ZNF98: variants seen among roughly 807,000 people sequenced by gnomAD.
ZNF98 encodes zinc finger protein 739.
Under a neutral mutation model 12.8 loss-of-function variants are expected in ZNF98, and 8 were observed. The observed-to-expected ratio is 0.63, with a 90% CI of 0.37 to 1.13. The LOEUF (loss-of-function observed/expected upper bound fraction) is 1.13. Among genes scored for constraint, ZNF98 ranks in the 50% most tolerant of loss-of-function variants. ZNF98 has a pLI of 0.01. For missense variants in ZNF98, 379 were observed against 666.1 expected (o/e 0.57, Z 4.74); for synonymous variants, 112 against 223.5 (o/e 0.50, Z 4.45).
intron 1 of ZNF98, among the ~76,000 whole-genome samples, chr19:22,411,942 G>A (rs1969585232): frequency 6.8e-6 from 1 of 147,110 alleles, no homozygotes; most frequent in Non-Finnish European, 1.5e-5. Flanking sequence ...GTTAGAGACC[G>A]ATGAAGAGAA....
In ZNF98 at chr19:22,403,407, A is replaced by C. The variant is rs773665462; in HGVS notation, c.136T>G (p.Tyr46Asp). The change falls in exon 2 of 4, where the codon TAC (tyrosine) becomes GAC (aspartate). Residue 46 changes from tyrosine to aspartate, a missense_variant. Physicochemically the swap from Tyr to Asp is radical, Grantham distance 160 (BLOSUM62 -3). This residue lies in a region of ZNF98 where 223 missense variants were observed against 261.6 expected (regional missense o/e 0.85). Coordinates refer to ENST00000357774, the MANE Select transcript of ZNF98 (RefSeq NM_001098626.2). Reference sequence around the variant, plus strand: ...TCACCCACAAAGACCAGGTTTCTGTAGTTCTCTAACATCACATTCCTATAT... The same window carrying C: ...TCACCCACAAAGACCAGGTTTCTGTCGTTCTCTAACATCACATTCCTATAT... ...NLYRNVMLENYRNLVFVGIAA... is the reference protein window; with the variant it reads ...NLYRNVMLENDRNLVFVGIAA... 2.5e-6 allele frequency: 4 copies of C among 1,596,094 alleles called. No individual in the cohort carries two copies. Among genetic ancestry groups the C allele is most frequent in the Non-Finnish European group, 2.6e-6 (3 of 1,170,110 alleles).
At position 22,391,583 on chromosome 19, in the gene ZNF98, C is replaced by A; in HGVS notation, c.1652G>T (p.Cys551Phe). The change falls in exon 4 of 4, where the codon TGT (cysteine) becomes TTT (phenylalanine). Residue 551 changes from cysteine (C) to phenylalanine (F), a missense_variant. Physicochemically the swap from Cys to Phe is radical, Grantham distance 205. This residue lies in a region of ZNF98 where 15 missense variants were observed against 35.6 expected (regional missense o/e 0.42). Coordinates refer to ENST00000357774, the MANE Select transcript of ZNF98 (RefSeq NM_001098626.2). ...TGCAATGTTGTCACAAGCATTGTTA[C>A]AACTTTCAGGTTTGTAGAGTTTCTC... ...TGEKLYKPESCNNACDNIAKI... is the reference protein window; with the variant it reads ...TGEKLYKPESFNNACDNIAKI... 7 of 1,605,544 alleles carry A rather than the reference C, an allele frequency of 4.4e-6. No homozygotes were observed. Among genetic ancestry groups the A allele is most frequent in the Non-Finnish European group, 6.0e-6 (7 of 1,175,692 alleles).
intron 3 of ZNF98, among the ~76,000 whole-genome samples, chr19:22,399,232 T>C (rs1969431101): frequency 6.6e-6 from 1 of 152,174 alleles, no homozygotes. Context: ...TGTAACTGTG[T>C]ACTCATTGAA....
At chr19:22,406,056 A>C (rs530348152) in intron 1 of ZNF98, among the ~76,000 whole-genome samples, 5 of 152,294 alleles carry the variant, frequency 3.3e-5, no homozygotes, top group Non-Finnish European at 7.4e-5. Flanking sequence ...AGTTCTAAGG[A>C]ATCCAAGCAG....
chr19:22,407,617 CAGA>C (rs1230432749), intron 1 of ZNF98, among the ~76,000 whole-genome samples: 2 of 151,600 alleles, frequency 1.3e-5, no homozygotes, highest in East Asian at 4.0e-4. Flanking sequence ...GAGGCTGAGG[CAGA>C]AGAATTGCTT....
intron 3 of ZNF98, chr19:22,402,537 G>A (rs1426190222): frequency 2.2e-6 from 1 of 453,960 alleles, no homozygotes; most frequent in African/African-American, 2.0e-5. Context: ...GTGCCATGAA[G>A]AGGGCTGTCT....
chr19:22,395,876 G>GA (rs56132872), intron 3 of ZNF98, among the ~76,000 whole-genome samples: 53,700 of 145,580 alleles, frequency 0.37, 10,022 homozygotes, highest in South Asian at 0.51. Flanking sequence ...TGAGGGGGGG[G>GA]AAAAAAAAAA....
chr19:22,396,367 C>T (rs1270489760), intron 3 of ZNF98, among the ~76,000 whole-genome samples: 2 of 124,956 alleles, frequency 1.6e-5, no homozygotes, highest in African/African-American at 7.2e-5. Flanking sequence ...CCCCAAGGTG[C>T]CACCAAAAAA....
rs200579498 is a variant in ZNF98 at position 22,392,146 on chromosome 19, G to A, written c.1089C>T (p.Ser363=). The A allele has an allele frequency of 5.6e-3, 8,975 of 1,597,702 alleles. 36 individuals carry two copies. Among genetic ancestry groups the A allele is most frequent in the Middle Eastern group, 0.03 (177 of 5,980 alleles). The change falls in exon 4 of 4, where the codon TCC becomes TCT. Residue 363 remains serine (S), a synonymous_variant. Transcript: ENST00000357774. ...GAATTCTCTTATGTGTAGTAAGGTG[G>A]GATAACCGGCTAAAGGCCTTACCAC... The part of the protein sequence containing the change: ...EECGKAFSRL[S]HLTTHKRIHS...
intron 1 of ZNF98, among the ~76,000 whole-genome samples, chr19:22,412,979 C>T (rs925622019): frequency 1.3e-5 from 2 of 151,764 alleles, no homozygotes; most frequent in African/African-American, 2.4e-5. Flanking sequence ...AGTGAACCCA[C>T]GAGGCGGAGC....
chr19:22,400,388 A>G (rs2145111746), intron 3 of ZNF98, among the ~76,000 whole-genome samples: 1 of 152,250 alleles, frequency 6.6e-6, no homozygotes, highest in Non-Finnish European at 1.5e-5. Context: ...ATCCTAATAT[A>G]AAGCCTACCA....
chr19:22,406,618 C>T (rs1969522084), intron 1 of ZNF98, among the ~76,000 whole-genome samples: 2 of 151,952 alleles, frequency 1.3e-5, no homozygotes, highest in Non-Finnish European at 2.9e-5. Flanking sequence ...GAAATCGAGA[C>T]CATCCTGGCT....
intron 3 of ZNF98, among the ~76,000 whole-genome samples, chr19:22,401,133 C>T (rs1433502631): frequency 4.1e-5 from 6 of 147,980 alleles, no homozygotes; most frequent in Admixed American, 4.0e-4. Flanking sequence ...ATTTAAGTCA[C>T]TGAAATTGAA....
At chr19:22,409,632 C>T (rs1969559024) in intron 1 of ZNF98, among the ~76,000 whole-genome samples, 1 of 151,936 alleles carries the variant, frequency 6.6e-6, no homozygotes, top group Admixed American at 6.6e-5. Context: ...TGGGCAAAAG[C>T]TGGAAGTGGT....
At chr19:22,416,229 G>A (rs1469214896) in intron 1 of ZNF98, among the ~76,000 whole-genome samples, 1 of 152,086 alleles carries the variant, frequency 6.6e-6, no homozygotes, top group Non-Finnish European at 1.5e-5. Flanking sequence ...CCAGCACTTT[G>A]GGAGGCCAAG....
chr19:22,395,264 T>TAAGAACATGTTTGAGAGACTCCC (rs1463601356), intron 3 of ZNF98, among the ~76,000 whole-genome samples: 1 of 150,478 alleles, frequency 6.6e-6, no homozygotes, highest in African/African-American at 2.4e-5. Context: ...AGGCACATCC[T>TAAGAACATGTTTGAGAGACTCCC]AAGAACATGT....
chr19:22,398,138 A>C (rs1969418091), intron 3 of ZNF98, among the ~76,000 whole-genome samples: 1 of 152,214 alleles, frequency 6.6e-6, no homozygotes, highest in South Asian at 2.1e-4. Flanking sequence ...AAAAGCAGGA[A>C]ATATTCTAAC....
At position 22,392,124 on chromosome 19, in the gene ZNF98, T is replaced by C. The variant is rs1247409017; in HGVS notation, c.1111A>G (p.Ile371Val). Reference protein sequence around the residue: ...RLSHLTTHKRIHSGEKPYKCE... With the variant: ...RLSHLTTHKRVHSGEKPYKCE... The stretch of plus-strand genomic sequence containing the variant: ...TTGTAGGGTTTCTCTCCAGAATGAA[T>C]TCTCTTATGTGTAGTAAGGTGGGAT... The change falls in exon 4 of 4, where the codon ATT becomes GTT. Residue 371 changes from isoleucine (I) to valine (V), a missense_variant. Around this residue, in one of 8 missense-constraint regions of ZNF98, gnomAD observed 15 missense variants for 27.0 expected, o/e 0.56. Transcript: ENST00000357774. 1 of 1,612,306 alleles carries C rather than the reference T, an allele frequency of 6.2e-7. No homozygotes were observed. The highest frequency in any genetic ancestry group is 1.1e-5 in the South Asian group (1 of 90,856).
intron 3 of ZNF98, among the ~76,000 whole-genome samples, chr19:22,394,485 A>T (rs1291661730): frequency 6.6e-6 from 1 of 152,222 alleles, no homozygotes; most frequent in Non-Finnish European, 1.5e-5. Flanking sequence ...GCACGTATAT[A>T]CTACAGAATA....
Sources: gnomAD v4.1 joint callset for allele counts (sites outside exome capture counted in the v4.1 genomes callset) on GRCh38, gnomAD v4.1.1 for gene constraint, gnomAD v4.1.1 regional missense constraint, MANE v1.5 for transcripts, NCBI Gene and HGNC (gene_info 2026-07-23, HGNC 2026-07-21) for gene names.